The following REDIC1 variants were observed in gnomAD, a reference collection of about 807,000 sequenced individuals.
REDIC1 encodes the protein HEI10 Interacting Protein 1.
At chr12:39,757,523 G>A in the REDIC1 span, 1 of 151,446 alleles carries the variant, frequency 6.6e-6, no homozygotes, top group Non-Finnish European at 1.5e-5. Context: ...ATTGTATAAG[G>A]TTCCTTTTCA....
At chr12:39,712,972 T>TAC in the REDIC1 span, among the ~76,000 whole-genome samples, 392 of 18,560 alleles carry the variant, frequency 0.021, 2 homozygotes, top group Admixed American at 0.039. Flanking sequence ...TACGTGTATA[T>TAC]GTATATATAC....
chr12:39,819,882 A>G, the REDIC1 span: 1 of 154,898 alleles, frequency 6.5e-6, no homozygotes, highest in Non-Finnish European at 1.4e-5. Context: ...TTCACTGCCC[A>G]ATAATACATT....
chr12:39,663,568 C>T, the REDIC1 span, among the ~76,000 whole-genome samples: 1 of 151,948 alleles, frequency 6.6e-6, no homozygotes, highest in African/African-American at 2.4e-5. Flanking sequence ...AAATTTTAAT[C>T]AGTTTACATT....
chr12:39,712,423 C>T, the REDIC1 span, among the ~76,000 whole-genome samples: 9 of 113,018 alleles, frequency 8.0e-5, no homozygotes, highest in East Asian at 5.2e-4. Flanking sequence ...TATATACATA[C>T]GTATATATAC....
the REDIC1 span, among the ~76,000 whole-genome samples, chr12:39,743,134 G>A: frequency 6.6e-6 from 1 of 152,144 alleles, no homozygotes; most frequent in Admixed American, 6.5e-5. Flanking sequence ...AGAGCATTCT[G>A]TTCCTTTTAA....
chr12:39,906,510 G>A, the REDIC1 span, among the ~76,000 whole-genome samples: 1 of 151,834 alleles, frequency 6.6e-6, no homozygotes, highest in Non-Finnish European at 1.5e-5. Flanking sequence ...TATGAAACTT[G>A]AAAAAAACAG....
At chr12:39,849,185 A>G in the REDIC1 span, among the ~76,000 whole-genome samples, 1 of 152,144 alleles carries the variant, frequency 6.6e-6, no homozygotes, top group Admixed American at 6.5e-5. Context: ...AGATTTAAAA[A>G]AAAATTCAAA....
chr12:39,810,340 T>C, the REDIC1 span, among the ~76,000 whole-genome samples: 1 of 152,232 alleles, frequency 6.6e-6, no homozygotes, highest in Admixed American at 6.5e-5. Flanking sequence ...TTGTTAGTAA[T>C]AGAAATAAAA....
At chr12:39,703,707 G>T in the REDIC1 span, among the ~76,000 whole-genome samples, 1 of 152,200 alleles carries the variant, frequency 6.6e-6, no homozygotes, top group Non-Finnish European at 1.5e-5. Flanking sequence ...CACCAAGACA[G>T]CATGGTACTG....
the REDIC1 span, among the ~76,000 whole-genome samples, chr12:39,670,345 C>T: frequency 6.6e-6 from 1 of 152,136 alleles, no homozygotes; most frequent in Non-Finnish European, 1.5e-5. Context: ...TGCATGCCAC[C>T]ACACCCAGCT....
chr12:39,713,897 G>A, the REDIC1 span, among the ~76,000 whole-genome samples: 14 of 147,050 alleles, frequency 9.5e-5, no homozygotes, highest in East Asian at 2.0e-4. Context: ...ACACTTATAC[G>A]TATATACGTA....
chr12:39,874,583 C>G, the REDIC1 span, among the ~76,000 whole-genome samples: 1 of 147,198 alleles, frequency 6.8e-6, no homozygotes, highest in Non-Finnish European at 1.5e-5. Context: ...CCATTGCACT[C>G]CAGCCTGGGC....
the REDIC1 span, among the ~76,000 whole-genome samples, chr12:39,785,551 G>A: frequency 2.6e-5 from 4 of 152,212 alleles, no homozygotes; most frequent in East Asian, 7.7e-4. Context: ...CCCCCACAGA[G>A]AGTCCCTACT....
the REDIC1 span, among the ~76,000 whole-genome samples, chr12:39,754,073 T>G: frequency 2.0e-5 from 3 of 152,152 alleles, no homozygotes; most frequent in Non-Finnish European, 2.9e-5. Flanking sequence ...CTTTCTGTTT[T>G]TAATCTATCT....
chr12:39,643,653 T>G, the REDIC1 span: 1 of 709,202 alleles, frequency 1.4e-6, no homozygotes, highest in African/African-American at 1.9e-5. Context: ...TATAAACATA[T>G]AAAGATGTCA....
chr12:39,811,976 T>A, the REDIC1 span, among the ~76,000 whole-genome samples: 2 of 152,258 alleles, frequency 1.3e-5, no homozygotes, highest in Non-Finnish European at 2.9e-5. Context: ...ATCTCTAATT[T>A]GTTTCTTTTA....
At chr12:39,824,405 G>C in the REDIC1 span, among the ~76,000 whole-genome samples, 1 of 152,212 alleles carries the variant, frequency 6.6e-6, no homozygotes, top group Non-Finnish European at 1.5e-5. Flanking sequence ...TTCAATCAGG[G>C]GTCAGATGAC....
At chr12:39,745,233 C>T in the REDIC1 span, among the ~76,000 whole-genome samples, 1 of 152,160 alleles carries the variant, frequency 6.6e-6, no homozygotes, top group Non-Finnish European at 1.5e-5. Context: ...AGTGATTAGG[C>T]TTAGTTCCTA....
the REDIC1 span, among the ~76,000 whole-genome samples, chr12:39,651,792 C>G: frequency 3.9e-5 from 6 of 152,050 alleles, no homozygotes; most frequent in African/African-American, 1.4e-4. Context: ...TGAATTTATG[C>G]ACTTTGATAA....
Sources: allele counts gnomAD v4.1 joint callset (sites outside exome capture counted in the v4.1 genomes callset), GRCh38; gene constraint gnomAD v4.1.1; transcripts MANE v1.5; gene names NCBI Gene and HGNC (gene_info 2026-07-23, HGNC 2026-07-21).